Variants in COG2 observed in about 807,000 individuals in gnomAD.
COG2 encodes conserved oligomeric Golgi complex subunit 2.
COG2 carries 52 observed loss-of-function variants against 90.6 expected under a neutral mutation model. That is an observed-to-expected ratio of 0.57 (90% CI 0.46 to 0.72). The LOEUF (loss-of-function observed/expected upper bound fraction) is 0.72, where lower values mean the gene tolerates loss of function less well. COG2 is among the 30% of genes least tolerant of loss of function. The pLI, the probability that COG2 is intolerant of heterozygous loss-of-function variation, is 0.00. For synonymous variants in COG2, 337 were observed against 320.4 expected, an observed-to-expected ratio of 1.05 and a Z score of -0.55; for missense variants, 829 against 891.2, an observed-to-expected ratio of 0.93 and a Z score of 0.89.
chr1:230,681,449 C>T (rs1183205134), intron 10 of COG2: 2 of 151,974 alleles, frequency 1.3e-5, no homozygotes, highest in African/African-American at 4.8e-5. Flanking sequence ...CATGTGTATC[C>T]ACAAGAGACG....
chr1:230,692,139 T>C (rs927121664), intron 17 of COG2, among the ~76,000 whole-genome samples: 1 of 152,046 alleles, frequency 6.6e-6, no homozygotes, highest in African/African-American at 2.4e-5. Context: ...AAATGAAATT[T>C]CACCATAAAA....
chr1:230,678,723 G>T (rs954105894), intron 9 of COG2, 190 bp from the exon 10 acceptor site: 1 of 1,496,054 alleles, frequency 6.7e-7, no homozygotes, highest in African/African-American at 1.4e-5. Context: ...ACATATCACA[G>T]AACCACTTTG....
intron 9 of COG2, among the ~76,000 whole-genome samples, chr1:230,675,592 T>C (rs1034634863): frequency 2.0e-5 from 3 of 152,162 alleles, no homozygotes; most frequent in African/African-American, 7.2e-5. Flanking sequence ...ATTTAAAAAG[T>C]TAGAAAGCCC....
At chr1:230,644,481 T>C (rs1661712132) in intron 1 of COG2, among the ~76,000 whole-genome samples, 1 of 152,220 alleles carries the variant, frequency 6.6e-6, no homozygotes, top group Non-Finnish European at 1.5e-5. Flanking sequence ...ATTGGATAGG[T>C]TTTGTACGTG....
At chr1:230,693,095 G>A (rs1382635107) in intron 17 of COG2, among the ~76,000 whole-genome samples, 197 bp from the exon 18 acceptor site, 2 of 152,078 alleles carry the variant, frequency 1.3e-5, no homozygotes, top group East Asian at 1.9e-4. Context: ...TGGCTTCTTA[G>A]AATGCTAAGT....
chr1:230,678,120 T>TA (rs1321611023), intron 9 of COG2: 1 of 985,258 alleles, frequency 1.0e-6, no homozygotes, highest in Non-Finnish European at 1.2e-6. Flanking sequence ...GAGAAGAACA[T>TA]AAAAAATTCA....
rs537982202 is a variant in COG2 at position 230,642,642 on chromosome 1, G to A, written c.36G>A (p.Pro12=). The A allele has an allele frequency of 2.5e-6, 4 of 1,613,154 alleles. No homozygotes were observed. Among genetic ancestry groups the A allele is most frequent in the East Asian group, 2.2e-5 (1 of 44,808 alleles). Residue 12 remains proline, a synonymous_variant, in exon 1 of 18, where the codon CCG becomes CCA. Coordinates refer to ENST00000366669, the MANE Select transcript of COG2 (RefSeq NM_007357.3). ...EKSRMNLPKG[P]DTLCFDKDEF... Reference sequence around the variant, plus strand: ...GTAGGATGAACCTGCCCAAGGGGCCGGACACGCTCTGCTTCGACAAGGACG... The same window carrying A: ...GTAGGATGAACCTGCCCAAGGGGCCAGACACGCTCTGCTTCGACAAGGACG...
intron 15 of COG2, 175 bp from the exon 16 acceptor site, chr1:230,689,839 G>GTTCT (rs1160773989): frequency 1.4e-4 from 80 of 583,034 alleles, no homozygotes; most frequent in Non-Finnish European, 3.6e-5. Context: ...ATTCCCTCAT[G>GTTCT]TTCTCCAGGC....
At chr1:230,648,033 C>T (rs1661832516) in intron 1 of COG2, among the ~76,000 whole-genome samples, 1 of 152,184 alleles carries the variant, frequency 6.6e-6, no homozygotes, top group Non-Finnish European at 1.5e-5. Context: ...TCTCATGACT[C>T]CCAGGCTTCA....
chr1:230,673,543 T>G (rs1662509521), intron 8 of COG2, among the ~76,000 whole-genome samples: 1 of 152,268 alleles, frequency 6.6e-6, no homozygotes, highest in Non-Finnish European at 1.5e-5. Flanking sequence ...CTTTGGGGAT[T>G]TGATTAGACA....
chr1:230,643,877 C>T (rs1026726398), intron 1 of COG2, among the ~76,000 whole-genome samples: 3 of 152,096 alleles, frequency 2.0e-5, no homozygotes, highest in Non-Finnish European at 4.4e-5. Context: ...CTAAGAGCTA[C>T]CCTGAAATGA....
chr1:230,690,170 C>T lies in COG2; in HGVS notation c.1934+17C>T, dbSNP rs969151291. 1 of 1,608,898 alleles carries T rather than the reference C, an allele frequency of 6.2e-7. No individual in the cohort carries two copies. Reference sequence around the variant, plus strand: ...CACTCATAAGTAAGTAAATTAAAAGCAGACCTTGTGGGCCTTGCTTAGAAG... The same window carrying T: ...CACTCATAAGTAAGTAAATTAAAAGTAGACCTTGTGGGCCTTGCTTAGAAG... On this transcript the variant is annotated intron_variant, in intron 16 of 17. Transcript: ENST00000366669.
chr1:230,668,856 A>C, intron 6 of COG2, 72 bp downstream of exon 6: 1 of 939,462 alleles, frequency 1.1e-6, no homozygotes, highest in Non-Finnish European at 1.6e-6. Context: ...TAAACTAGTA[A>C]TATTGTTGAT....
Position 230,669,608 on chromosome 1 carries a change from G to T in COG2, c.774+73G>T, listed in dbSNP as rs549297371. The T allele has an allele frequency of 4.6e-5, 61 of 1,312,892 alleles. 2 individuals are homozygous for T. In the South Asian group the frequency reaches 8.9e-4, roughly 19 times the overall value. 81.3% of individuals were successfully genotyped at this position (1,312,892 alleles called of 1,614,324 possible). ...TTGACTCTTTACTGGGTGTGAGGAA[G>T]ATAAGAAGAGAGAACAGAGATCTTT... On this transcript the variant is annotated intron_variant, in intron 7 of 17. Transcript: ENST00000366669.
Position 230,687,034 on chromosome 1 carries a change from G to A in COG2, c.1480G>A (p.Asp494Asn). 1.9e-6 allele frequency: 3 copies of A among 1,612,200 alleles called. No individual in the cohort carries two copies. Among genetic ancestry groups the A allele is most frequent in the Non-Finnish European group, 2.5e-6 (3 of 1,178,954 alleles). The change falls in exon 13 of 18, where the codon GAC (aspartate) becomes AAC (asparagine). Residue 494 changes from aspartate to asparagine, a missense_variant. By Grantham distance (23) the Asp-to-Asn change is conservative. Transcript: ENST00000366669. ...EPSITQGNTE[D>N]QGSGPSETKP... ...TTCCATCACCCAAGGAAACACTGAA[G>A]ACCAAGGAAGTGGTCCTTCGGAAAC...
rs1662230231 is a variant in COG2 at position 230,663,179 on chromosome 1, T to C, written c.339T>C (p.Val113=). 6 of 1,611,312 alleles carry C rather than the reference T, an allele frequency of 3.7e-6. No individual in the cohort carries two copies. In the South Asian group the frequency reaches 6.6e-5, roughly 18 times the overall value. ...RSSVSEGIRA[V]DERMSKQEDI... ...CTGTCAGTGAAGGAATTCGGGCAGT[T>C]GATGAACGAATGTCTAAACAAGAGG... Residue 113 remains valine (V), a synonymous_variant, in exon 4 of 18, where the codon GTT becomes GTC. Coordinates refer to ENST00000366669, the MANE Select transcript of COG2 (RefSeq NM_007357.3).
At chr1:230,679,817 G>C (rs536808724) in intron 10 of COG2, 5 of 152,308 alleles carry the variant, frequency 3.3e-5, no homozygotes, top group African/African-American at 1.2e-4. Context: ...AGAATCATAG[G>C]CTTTTTTATT....
chr1:230,653,958 CTTGTA>C lies in COG2; in HGVS notation c.73-5502_73-5498del, dbSNP rs1661982944. Among the ~76,000 whole-genome samples the C allele has an allele frequency of 2.6e-5, 4 of 152,112 alleles. No individual in the cohort carries two copies. The South Asian group carries it at 8.3e-4, about 31-fold the overall frequency. On this transcript the variant is annotated intron_variant, in intron 1 of 17. Transcript: ENST00000366669. Reference sequence around the variant, plus strand: ...ACTTCTTAAAGGTATCCTCTCAACTCTTGTATTGGAGATTAAATTTTCTTGTATGT... The same window carrying C: ...ACTTCTTAAAGGTATCCTCTCAACTCTTGGAGATTAAATTTTCTTGTATGT...
chr1:230,648,173 A>C (rs532330149), intron 1 of COG2, among the ~76,000 whole-genome samples: 31 of 152,380 alleles, frequency 2.0e-4, no homozygotes, highest in African/African-American at 6.7e-4. Context: ...GCATTTTATC[A>C]GTAGGGACAA....
Sources: allele counts gnomAD v4.1 joint callset (sites outside exome capture counted in the v4.1 genomes callset), GRCh38; gene constraint gnomAD v4.1.1; transcripts MANE v1.5; gene names NCBI Gene and HGNC (gene_info 2026-07-23, HGNC 2026-07-21).